Variants in GRID1 observed in about 807,000 individuals in gnomAD.
GRID1 encodes glutamate ionotropic receptor delta type subunit 1.
In GRID1, 28 loss-of-function variants were observed where a neutral mutation model predicts 98.0. The observed-to-expected ratio is 0.29, with a 90% CI of 0.21 to 0.39. GRID1 has a LOEUF of 0.39. GRID1 is among the 10% of genes least tolerant of loss of function. The probability of loss-of-function intolerance (pLI) is 1.00; values close to 1 mark genes in which losing one functional copy is unlikely to be tolerated. For missense variants in GRID1, 1,111 were observed against 1,340.5 expected (o/e 0.83, Z 2.67); for synonymous variants, 553 against 538.5 (o/e 1.03, Z -0.37).
intron 13 of GRID1, among the ~76,000 whole-genome samples, chr10:85,624,645 A>T (rs888901316): frequency 9.9e-5 from 15 of 152,232 alleles, no homozygotes; most frequent in African/African-American, 2.7e-4. Flanking sequence ...GCGGTTTCTT[A>T]AAAAATTGAT....
intron 5 of GRID1, among the ~76,000 whole-genome samples, chr10:85,906,900 T>C (rs1355259192): frequency 2.0e-5 from 3 of 151,780 alleles, no homozygotes; most frequent in Admixed American, 1.3e-4. Flanking sequence ...TAAATGGAAA[T>C]TGAAAAACAA....
intron 4 of GRID1, among the ~76,000 whole-genome samples, chr10:86,128,823 C>A (rs556343937): frequency 6.6e-6 from 1 of 152,334 alleles, no homozygotes; most frequent in African/African-American, 2.4e-5. Context: ...TCGATCTCCC[C>A]ACTCACACAT....
At chr10:86,255,628 C>A (rs1846905839) in intron 2 of GRID1, among the ~76,000 whole-genome samples, 1 of 152,194 alleles carries the variant, frequency 6.6e-6, no homozygotes, top group Non-Finnish European at 1.5e-5. Flanking sequence ...GTGGCACTGG[C>A]AAACTGACAC....
At chr10:86,034,162 T>A (rs1376537956) in intron 4 of GRID1, among the ~76,000 whole-genome samples, 1 of 152,248 alleles carries the variant, frequency 6.6e-6, no homozygotes, top group Non-Finnish European at 1.5e-5. Flanking sequence ...CTAACGTAGC[T>A]AATGGCATCG....
chr10:85,898,844 A>G (rs1841334343), intron 5 of GRID1, among the ~76,000 whole-genome samples: 1 of 152,014 alleles, frequency 6.6e-6, no homozygotes, highest in African/African-American at 2.4e-5. Context: ...ACTCTAAAAT[A>G]ACAATAAAAA....
chr10:86,135,862 A>G (rs1012307742), intron 4 of GRID1, among the ~76,000 whole-genome samples: 1 of 151,948 alleles, frequency 6.6e-6, no homozygotes, highest in Non-Finnish European at 1.5e-5. Flanking sequence ...TTCCTCACTC[A>G]CTCCCATTTG....
At chr10:85,805,212 C>A (rs1001513232) in intron 8 of GRID1, among the ~76,000 whole-genome samples, 2 of 151,544 alleles carry the variant, frequency 1.3e-5, no homozygotes, top group Admixed American at 1.3e-4. Flanking sequence ...GTCTACACAC[C>A]ATTAGTTAGC....
chr10:86,363,831 G>T lies in GRID1; in HGVS notation c.235+110C>A, dbSNP rs1018451292. ...CGCGCATGGCACCGCGGCTGCCGAG[G>T]AACAGAGGGTGCCCTGCGCAGCCCA... is the stretch of plus-strand genomic sequence containing the variant. On this transcript the variant is annotated intron_variant, in intron 2 of 15. Coordinates refer to ENST00000327946, the MANE Select transcript of GRID1 (RefSeq NM_017551.3). The T allele has an allele frequency of 9.7e-6, 9 of 926,774 alleles. No homozygotes were observed. In the African/African-American group the frequency reaches 1.5e-4, roughly 16 times the overall value. The allele number at this position is 926,774 out of a possible 1,614,324, so 57.4% of individuals were successfully genotyped here. A position where few individuals can be genotyped will look rare whatever the true frequency, so the allele number is the denominator to read the frequency against.
chr10:86,169,885 C>T (rs1417789123), intron 3 of GRID1, among the ~76,000 whole-genome samples: 2 of 152,192 alleles, frequency 1.3e-5, no homozygotes, highest in Non-Finnish European at 2.9e-5. Flanking sequence ...CTGAGGATCC[C>T]TCTTCTTCAA....
chr10:86,157,872 T>A (rs1159748834), intron 3 of GRID1, among the ~76,000 whole-genome samples: 4 of 152,216 alleles, frequency 2.6e-5, no homozygotes, highest in Non-Finnish European at 5.9e-5. Context: ...AGTAGCCTCC[T>A]CGGGACTGTC....
At chr10:85,715,598 A>G (rs578080630) in intron 12 of GRID1, among the ~76,000 whole-genome samples, 43 of 152,372 alleles carry the variant, frequency 2.8e-4, no homozygotes, top group Non-Finnish European at 5.9e-4. Context: ...ACCAAAAGAT[A>G]TACGAAAAAA....
At chr10:85,713,813 A>T (rs1841608168) in intron 12 of GRID1, among the ~76,000 whole-genome samples, 1 of 151,948 alleles carries the variant, frequency 6.6e-6, no homozygotes, top group Non-Finnish European at 1.5e-5. Flanking sequence ...CTTTCATGAT[A>T]AAAATTTTCA....
intron 3 of GRID1, among the ~76,000 whole-genome samples, chr10:86,183,124 C>T (rs141297549): frequency 5.9e-5 from 9 of 152,250 alleles, no homozygotes; most frequent in Non-Finnish European, 1.3e-4. Context: ...TCCCTATCCC[C>T]CACCCCAGTC....
intron 8 of GRID1, among the ~76,000 whole-genome samples, chr10:85,812,382 T>C (rs1842679561): frequency 6.6e-6 from 1 of 152,162 alleles, no homozygotes; most frequent in Non-Finnish European, 1.5e-5. Context: ...ACCTGGAACT[T>C]GATAACCTGT....
At chr10:86,147,197 A>C (rs541320905) in intron 3 of GRID1, among the ~76,000 whole-genome samples, 67 of 152,274 alleles carry the variant, frequency 4.4e-4, no homozygotes, top group Admixed American at 3.3e-4. Flanking sequence ...CCAGCTCCCC[A>C]GACAACAGTC....
intron 12 of GRID1, among the ~76,000 whole-genome samples, chr10:85,652,672 G>A (rs940971903): frequency 1.3e-5 from 2 of 152,122 alleles, no homozygotes; most frequent in Admixed American, 1.3e-4. Flanking sequence ...TGGAGTGCCT[G>A]GATAGGGCTC....
At chr10:86,115,350 G>GATGAATGAATGA (rs374476686) in intron 4 of GRID1, among the ~76,000 whole-genome samples, 45 of 152,062 alleles carry the variant, frequency 3.0e-4, no homozygotes, top group African/African-American at 1.1e-3. Context: ...TGAAACAATA[G>GATGAATGAATGA]ATGAATGAAT....
At chr10:86,077,920 C>G (rs1336860988) in intron 4 of GRID1, among the ~76,000 whole-genome samples, 2 of 152,240 alleles carry the variant, frequency 1.3e-5, no homozygotes, top group Non-Finnish European at 2.9e-5. Flanking sequence ...GCCTACAAAG[C>G]AAGCCTAAGA....
intron 5 of GRID1, among the ~76,000 whole-genome samples, chr10:85,898,010 A>T (rs1043185719): frequency 6.6e-6 from 1 of 152,164 alleles, no homozygotes; most frequent in African/African-American, 2.4e-5. Context: ...ATGTGTTGTT[A>T]GATGATTGTG....
Sources: gnomAD v4.1 joint callset for allele counts (sites outside exome capture counted in the v4.1 genomes callset) on GRCh38, gnomAD v4.1.1 for gene constraint, MANE v1.5 for transcripts, NCBI Gene and HGNC (gene_info 2026-07-23, HGNC 2026-07-21) for gene names.